THADA: variants seen among roughly 807,000 people sequenced by gnomAD.
The protein encoded by THADA is tRNA (32-2'-O)-methyltransferase regulator THADA.
Under a neutral mutation model 219.8 loss-of-function variants are expected in THADA, and 213 were observed. That is an observed-to-expected ratio of 0.97 (90% CI 0.87 to 1.09). The LOEUF is 1.09. Among genes scored for constraint, THADA ranks in the 50% least tolerant of loss-of-function variants. The pLI, the probability that THADA is intolerant of heterozygous loss-of-function variation, is 0.00. For synonymous variants in THADA, 1,018 were observed against 828.9 expected (o/e 1.23, Z -3.92); for missense variants, 2,956 against 2,311.3 (o/e 1.28, Z -5.72).
At chr2:43,375,897 T>C (rs1026278947) in intron 29 of THADA, among the ~76,000 whole-genome samples, 6 of 152,164 alleles carry the variant, frequency 3.9e-5, no homozygotes. Context: ...AGCACAAACA[T>C]GCAAAAGCAT....
intron 25 of THADA, among the ~76,000 whole-genome samples, chr2:43,495,268 A>G (rs1688123534): frequency 6.6e-6 from 1 of 152,208 alleles, no homozygotes; most frequent in Non-Finnish European, 1.5e-5. Context: ...AGTGTTGATC[A>G]TTATAGCTAT....
At chr2:43,346,463 A>G (rs776888239) in intron 29 of THADA, among the ~76,000 whole-genome samples, 7 of 152,124 alleles carry the variant, frequency 4.6e-5, no homozygotes, top group Non-Finnish European at 8.8e-5. Context: ...GATGGCAAGT[A>G]GCAAGGCAAC....
chr2:43,268,215 A>G (rs1671740712), intron 36 of THADA, among the ~76,000 whole-genome samples: 1 of 152,200 alleles, frequency 6.6e-6, no homozygotes. Context: ...GGGATTTCTT[A>G]CTTTTAGCTC....
intron 4 of THADA, among the ~76,000 whole-genome samples, chr2:43,587,416 A>T (rs547919867): frequency 1.3e-5 from 2 of 152,240 alleles, no homozygotes; most frequent in East Asian, 1.9e-4. Context: ...CTTGATTTTT[A>T]AAATGGCATC....
At chr2:43,456,809 A>G (rs1683052303) in intron 26 of THADA, among the ~76,000 whole-genome samples, 1 of 152,218 alleles carries the variant, frequency 6.6e-6, no homozygotes, top group African/African-American at 2.4e-5. Flanking sequence ...GGAAATTAGT[A>G]TAAATTACAA....
intron 25 of THADA, among the ~76,000 whole-genome samples, chr2:43,491,003 G>C (rs1558846746): frequency 6.6e-6 from 1 of 152,104 alleles, no homozygotes; most frequent in African/African-American, 2.4e-5. Context: ...AAAATAACTG[G>C]CATGAAAGCC....
chr2:43,288,289 G>A (rs150455566), intron 34 of THADA, among the ~76,000 whole-genome samples: 382 of 152,284 alleles, frequency 2.5e-3, no homozygotes, highest in Non-Finnish European at 3.9e-3. Context: ...ATGGTGGCGC[G>A]TGCCTGTAAT....
At chr2:43,307,334 G>A (rs901265298) in intron 31 of THADA, among the ~76,000 whole-genome samples, 3 of 151,842 alleles carry the variant, frequency 2.0e-5, no homozygotes, top group Non-Finnish European at 4.4e-5. Flanking sequence ...GCACAATACC[G>A]GAGAGAACAA....
At chr2:43,363,133 A>G (rs1000094291) in intron 29 of THADA, among the ~76,000 whole-genome samples, 15 of 152,250 alleles carry the variant, frequency 9.9e-5, no homozygotes, top group African/African-American at 3.6e-4. Context: ...AATCAGGAAT[A>G]TACTCTAAAG....
At chr2:43,238,811 G>C (rs1414212205) in intron 36 of THADA, among the ~76,000 whole-genome samples, 1 of 152,186 alleles carries the variant, frequency 6.6e-6, no homozygotes, top group African/African-American at 2.4e-5. Flanking sequence ...AGGAGGTCTA[G>C]GTGGGAAGGT....
chr2:43,342,622 C>T (rs1667183209), intron 30 of THADA, among the ~76,000 whole-genome samples: 1 of 152,214 alleles, frequency 6.6e-6, no homozygotes, highest in South Asian at 2.1e-4. Flanking sequence ...CTCTTGATGG[C>T]CAGTTTGATG....
rs573164552 is a variant in THADA at position 43,344,119 on chromosome 2, T to C, written c.4343+3A>G. ...TCCTTGCTCATGTGGGATTTTAACA[T>C]ACCTCTTGGCCAGCCAGAGTTTGGC... On this transcript the variant is annotated splice_donor_region_variant and intron_variant, in intron 30 of 37. Transcript: ENST00000405975. The C allele has an allele frequency of 2.5e-6, 4 of 1,600,826 alleles. No individual in the cohort carries two copies. Among genetic ancestry groups the C allele is most frequent in the East Asian group, 2.2e-5 (1 of 44,780 alleles).
At position 43,586,731 on chromosome 2, in the gene THADA, C is replaced by T. The variant is rs1701067103; in HGVS notation, c.455G>A (p.Arg152Lys). 6.2e-7 allele frequency: 1 copy of T among 1,612,218 alleles called. No individual in the cohort carries two copies. Among genetic ancestry groups the T allele is most frequent in the South Asian group, 1.1e-5 (1 of 90,516 alleles). Residue 152 changes from arginine (R) to lysine (K), a missense_variant, in exon 6 of 38, where the codon AGA (arginine) becomes AAA (lysine). Physicochemically the swap from Arg to Lys is conservative, Grantham distance 26. Coordinates refer to ENST00000405975, the MANE Select transcript of THADA (RefSeq NM_022065.5). ...SSCMENFNLG[R>K]ASVNNLLKNV... ...TTTAAGCAGATTATTAACACTTGCT[C>T]TACCTGTAGAGGAAAAAATGAACAC...
At chr2:43,501,962 A>G (rs72790939) in intron 24 of THADA, among the ~76,000 whole-genome samples, 41 of 151,782 alleles carry the variant, frequency 2.7e-4, no homozygotes, top group Non-Finnish European at 4.7e-4. Flanking sequence ...TGAAACAAAA[A>G]TAAAACTGTG....
rs150873717 is a variant in THADA, at chr2:43,556,764, A to T, written c.2464-209T>A. On this transcript the variant is annotated intron_variant, in intron 16 of 37. Coordinates refer to ENST00000405975, the MANE Select transcript of THADA (RefSeq NM_022065.5). ...ACATAGTGAGACCCCATCTCAAAAA[A>T]ACAACAACAAAAAACACAGGCTTGG... Among the ~76,000 whole-genome samples, 27 of 152,180 alleles carry T rather than the reference A, an allele frequency of 1.8e-4. No individual in the cohort carries two copies. In the East Asian group the frequency reaches 4.8e-3, roughly 27 times the overall value.
chr2:43,249,279 GT>G (rs1443018283), intron 36 of THADA, among the ~76,000 whole-genome samples: 1 of 152,134 alleles, frequency 6.6e-6, no homozygotes, highest in Non-Finnish European at 1.5e-5. Context: ...TAGAGACAGG[GT>G]TTTTGCCATG....
intron 34 of THADA, among the ~76,000 whole-genome samples, chr2:43,288,642 A>T (rs979082015): frequency 6.6e-6 from 1 of 152,272 alleles, no homozygotes; most frequent in Admixed American, 6.5e-5. Flanking sequence ...ACATGAGTAC[A>T]TCTTGTTCAC....
intron 25 of THADA, among the ~76,000 whole-genome samples, chr2:43,496,565 T>C (rs543734820): frequency 9.2e-5 from 14 of 151,758 alleles, no homozygotes; most frequent in South Asian, 2.1e-4. Flanking sequence ...ACGCTCAGAG[T>C]TGTTTTGTTT....
intron 29 of THADA, among the ~76,000 whole-genome samples, chr2:43,360,829 T>C (rs1177405889): frequency 1.3e-5 from 2 of 152,176 alleles, no homozygotes; most frequent in Non-Finnish European, 2.9e-5. Flanking sequence ...TAGCCAATTA[T>C]TGGGACTGAG....
Sources: allele counts gnomAD v4.1 joint callset (sites outside exome capture counted in the v4.1 genomes callset), GRCh38; gene constraint gnomAD v4.1.1; transcripts MANE v1.5; gene names NCBI Gene and HGNC (gene_info 2026-07-23, HGNC 2026-07-21).